Variants in RGS7 observed in about 807,000 individuals in gnomAD.
The protein encoded by RGS7 is regulator of G protein signaling 7, also known as regulator of G-protein signaling 7.
RGS7 carries 27 observed loss-of-function variants against 81.1 expected under a neutral mutation model. That is an observed-to-expected ratio of 0.33 (90% CI 0.25 to 0.46). The LOEUF (loss-of-function observed/expected upper bound fraction) is 0.46, where lower values mean the gene tolerates loss of function less well. RGS7 is among the 20% of genes least tolerant of loss of function. The probability of loss-of-function intolerance (pLI) is 1.00; values close to 1 mark genes in which losing one functional copy is unlikely to be tolerated. For synonymous variants in RGS7, 208 were observed against 207.7 expected (o/e 1.00, Z -0.01); for missense variants, 396 against 607.4 (o/e 0.65, Z 3.66).
At chr1:241,094,107 C>T (rs569649421) in intron 3 of RGS7, among the ~76,000 whole-genome samples, 304 of 152,284 alleles carry the variant, frequency 2.0e-3, no homozygotes, top group African/African-American at 6.9e-3. Context: ...TACTCTCTGC[C>T]TTATCTTCTC....
chr1:241,118,914 T>C lies in RGS7; in HGVS notation c.79-20152A>G, dbSNP rs182313258. ...AAAAGGAGGCAAGGAGGCTGAGGGT[T>C]GAAAAATTACCAGTTGAATACAATA... On this transcript the variant is annotated intron_variant, in intron 2 of 18. Coordinates refer to ENST00000440928, the MANE Select transcript of RGS7 (RefSeq NM_001364886.1). Among the ~76,000 whole-genome samples, 3 of 152,254 alleles carry C rather than the reference T, an allele frequency of 2.0e-5. No homozygotes were observed. In the East Asian group the frequency reaches 5.8e-4, roughly 29 times the overall value.
intron 4 of RGS7, among the ~76,000 whole-genome samples, chr1:240,981,047 T>C (rs939276569): frequency 6.6e-6 from 1 of 152,174 alleles, no homozygotes; most frequent in East Asian, 1.9e-4. Context: ...GCTTATGATA[T>C]CTGTGAAGAT....
intron 2 of RGS7, among the ~76,000 whole-genome samples, chr1:241,142,444 G>A (rs893110948): frequency 5.3e-5 from 8 of 152,160 alleles, no homozygotes; most frequent in Admixed American, 2.6e-4. Flanking sequence ...TGAAATCCAC[G>A]CAGAGTTTCC....
chr1:241,245,828 G>A (rs926951242), intron 2 of RGS7, among the ~76,000 whole-genome samples: 9 of 150,842 alleles, frequency 6.0e-5, no homozygotes, highest in Non-Finnish European at 8.9e-5. Context: ...AAACAGGCAG[G>A]ACGCGGTGGC....
chr1:241,021,639 G>C (rs998886624), intron 3 of RGS7, among the ~76,000 whole-genome samples: 8 of 152,146 alleles, frequency 5.3e-5, no homozygotes, highest in African/African-American at 1.9e-4. Flanking sequence ...CCTACTCTGG[G>C]GGGCGGTCAA....
At chr1:240,827,875 A>AAC (rs1558315709) in intron 9 of RGS7, among the ~76,000 whole-genome samples, 1 of 148,774 alleles carries the variant, frequency 6.7e-6, no homozygotes, top group African/African-American at 2.6e-5. Context: ...AAAAAAAAAA[A>AAC]AAAAAAAAAA....
intron 2 of RGS7, among the ~76,000 whole-genome samples, chr1:241,269,801 A>AT (rs1004003127): frequency 6.6e-6 from 1 of 152,142 alleles, no homozygotes; most frequent in African/African-American, 2.4e-5. Context: ...TAATCTATGA[A>AT]TTTTCAAGTG....
intron 9 of RGS7, among the ~76,000 whole-genome samples, chr1:240,829,305 C>T (rs1693392771): frequency 6.6e-6 from 1 of 152,032 alleles, no homozygotes; most frequent in Non-Finnish European, 1.5e-5. Flanking sequence ...GAAGGGCACC[C>T]AGCTGGGTGG....
rs1045313308 is a variant in RGS7 at position 241,207,982 on chromosome 1, T to C, written c.79-109220A>G. ...GTGCAATGGTACGATCTCCGCTCAC[T>C]GCAACCTCTGCTGCCCAGGTTCAAG... On this transcript the variant is annotated intron_variant, in intron 2 of 18. Transcript: ENST00000440928. 2.6e-5 allele frequency among the ~76,000 whole-genome samples: 4 copies of C among 152,168 alleles called. No homozygotes were observed. The East Asian group carries it at 7.7e-4, about 29-fold the overall frequency.
chr1:241,032,553 T>C (rs550960759), intron 3 of RGS7, among the ~76,000 whole-genome samples: 1 of 152,332 alleles, frequency 6.6e-6, no homozygotes, highest in South Asian at 2.1e-4. Flanking sequence ...ATTGAATCTG[T>C]AGATTGCTTT....
intron 2 of RGS7, among the ~76,000 whole-genome samples, chr1:241,174,895 G>GTTTTTTTTTTTTTTTTTTTTTTTTTTTT (rs551122102): frequency 1.4e-5 from 1 of 69,230 alleles, no homozygotes; most frequent in Non-Finnish European, 2.5e-5. Context: ...ACAGAATTTT[G>GTTTTTTTTTTTTTTTTTTTTTTTTTTTT]TTTTTTTTTT....
At chr1:241,175,696 G>A (rs1400541244) in intron 2 of RGS7, among the ~76,000 whole-genome samples, 1 of 152,142 alleles carries the variant, frequency 6.6e-6, no homozygotes, top group Non-Finnish European at 1.5e-5. Flanking sequence ...AGCAGGGAGA[G>A]GGGCTTCAGC....
chr1:241,326,555 A>G (rs1335184177), intron 2 of RGS7, among the ~76,000 whole-genome samples: 1 of 152,088 alleles, frequency 6.6e-6, no homozygotes, highest in Non-Finnish European at 1.5e-5. Context: ...TATTTGCCCT[A>G]TGTTTTATCT....
At chr1:240,919,285 C>CTACA (rs1553349440) in intron 6 of RGS7, among the ~76,000 whole-genome samples, 1 of 152,044 alleles carries the variant, frequency 6.6e-6, no homozygotes, top group East Asian at 1.9e-4. Context: ...AAAAGGAAGA[C>CTACA]TACAGACCAA....
chr1:240,832,051 T>C (rs900117033), intron 9 of RGS7, among the ~76,000 whole-genome samples: 7 of 152,176 alleles, frequency 4.6e-5, no homozygotes, highest in Admixed American at 2.0e-4. Context: ...CCATGTTGTC[T>C]TTGGTTATTT....
At chr1:240,936,507 T>C (rs1055710623) in intron 5 of RGS7, 93 bp downstream of exon 5, 4 of 927,536 alleles carry the variant, frequency 4.3e-6, no homozygotes, top group East Asian at 2.4e-5. Flanking sequence ...AAATAAGTCA[T>C]AGTTTTTAAA....
At chr1:240,913,692 G>C (rs980797440) in intron 6 of RGS7, among the ~76,000 whole-genome samples, 2 of 152,010 alleles carry the variant, frequency 1.3e-5, no homozygotes, top group South Asian at 2.1e-4. Context: ...AAATTAGGAG[G>C]CTACACTACT....
intron 2 of RGS7, among the ~76,000 whole-genome samples, chr1:241,249,864 T>C (rs963053226): frequency 6.6e-6 from 1 of 152,106 alleles, no homozygotes; most frequent in African/African-American, 2.4e-5. Flanking sequence ...GTGGCATATT[T>C]ATACAGAAAA....
At chr1:241,110,932 G>A (rs2065473019) in intron 2 of RGS7, among the ~76,000 whole-genome samples, 2 of 151,974 alleles carry the variant, frequency 1.3e-5, no homozygotes, top group East Asian at 3.9e-4. Context: ...TGATCCACCC[G>A]CCCCAGCCTC....
Sources: gnomAD v4.1 joint callset for allele counts (sites outside exome capture counted in the v4.1 genomes callset) on GRCh38, gnomAD v4.1.1 for gene constraint, MANE v1.5 for transcripts, NCBI Gene and HGNC (gene_info 2026-07-23, HGNC 2026-07-21) for gene names.